Variants in RPF2 observed in about 807,000 individuals in gnomAD.
RPF2 encodes the protein ribosome production factor 2 homolog.
A neutral mutation model predicts 38.9 loss-of-function variants in RPF2; 21 were observed. That is an observed-to-expected ratio of 0.54 (90% CI 0.38 to 0.78). The LOEUF (loss-of-function observed/expected upper bound fraction) is 0.78. RPF2 is among the 30% of genes least tolerant of loss of function. The pLI is 0.00. For missense variants in RPF2, 314 were observed against 358.1 expected (o/e 0.88, Z 0.99); for synonymous variants, 121 against 126.2 (o/e 0.96, Z 0.28).
intron 7 of RPF2, among the ~76,000 whole-genome samples, chr6:111,010,272 C>T (rs1771989897): frequency 6.6e-6 from 1 of 151,874 alleles, no homozygotes; most frequent in African/African-American, 2.4e-5. Flanking sequence ...AGGTTCACAC[C>T]ACCATGCCCA....
chr6:111,002,788 G>A (rs1424682793), intron 6 of RPF2, among the ~76,000 whole-genome samples: 2 of 148,508 alleles, frequency 1.3e-5, no homozygotes, highest in African/African-American at 4.9e-5. Flanking sequence ...TTTTTTTTGA[G>A]AGGGAGTTTT....
rs370534050 is a variant in RPF2 at position 110,982,106 on chromosome 6, G to A, written c.-1G>A. 8 of 1,614,110 alleles carry A rather than the reference G, an allele frequency of 5.0e-6. No individual in the cohort carries two copies. The highest frequency in any genetic ancestry group is 6.8e-6 in the Non-Finnish European group (8 of 1,180,038). On this transcript the variant is annotated 5_prime_UTR_variant, in exon 1 of 10. Coordinates refer to ENST00000441448, the MANE Select transcript of RPF2 (RefSeq NM_032194.3). ...GTTAAGAGTTGCAGGTAGCGGTAGC[G>A]ATGGACACTCTGGATCGAGTAGTGT...
Position 111,025,644 on chromosome 6 carries a change from A to C in RPF2, c.*62A>C. 1.6e-6 allele frequency: 2 copies of C among 1,217,180 alleles called. No individual in the cohort carries two copies. The highest frequency in any genetic ancestry group is 1.2e-6 in the Non-Finnish European group (1 of 868,226). The allele number at this position is 1,217,180 out of a possible 1,614,324, so 75.4% of individuals were successfully genotyped here. A position where few individuals can be genotyped will look rare whatever the true frequency, so the allele number is the denominator to read the frequency against. On this transcript the variant is annotated 3_prime_UTR_variant, in exon 10 of 10. Transcript: ENST00000441448. ...TACTTAAGAGAATTATCAAGCGTCAATCCATTCAGAGTTTCTTATAAGATC... is the reference window on the plus strand; with the variant it reads ...TACTTAAGAGAATTATCAAGCGTCACTCCATTCAGAGTTTCTTATAAGATC...
chr6:110,988,738 TC>T (rs993907941), intron 2 of RPF2, among the ~76,000 whole-genome samples: 114 of 152,204 alleles, frequency 7.5e-4, no homozygotes, highest in African/African-American at 2.7e-3. Flanking sequence ...TGGAATTGTT[TC>T]CCTAGAGAGA....
chr6:111,025,268 A>G (rs903674669), intron 9 of RPF2, 135 bp from the exon 10 acceptor site: 1 of 561,250 alleles, frequency 1.8e-6, no homozygotes, highest in Non-Finnish European at 3.1e-6. Context: ...AGAAAAGTGT[A>G]TAGGGCTATA....
intron 6 of RPF2, among the ~76,000 whole-genome samples, chr6:111,004,796 T>A (rs1771880581): frequency 6.6e-6 from 1 of 151,634 alleles, no homozygotes; most frequent in Non-Finnish European, 1.5e-5. Context: ...CTCGGACTCC[T>A]CACCTCAAGT....
intron 4 of RPF2, among the ~76,000 whole-genome samples, chr6:110,994,361 G>T (rs994764235): frequency 4.6e-5 from 7 of 151,938 alleles, no homozygotes; most frequent in African/African-American, 1.7e-4. Flanking sequence ...GAAGTGGGAG[G>T]ATTGCGTGGG....
At chr6:111,010,000 CT>C (rs1583270653) in intron 7 of RPF2, among the ~76,000 whole-genome samples, 2 of 152,072 alleles carry the variant, frequency 1.3e-5, no homozygotes, top group South Asian at 2.1e-4. Flanking sequence ...GTTATTAGTA[CT>C]TAGCATTCTG....
chr6:110,983,959 A>G (rs1771477952), intron 1 of RPF2, among the ~76,000 whole-genome samples: 1 of 151,932 alleles, frequency 6.6e-6, no homozygotes, highest in South Asian at 2.1e-4. Flanking sequence ...AACCTGGGAG[A>G]CGGAGCTTGC....
At chr6:111,019,574 T>C (rs1267446112) in intron 8 of RPF2, among the ~76,000 whole-genome samples, 2 of 151,524 alleles carry the variant, frequency 1.3e-5, no homozygotes, top group East Asian at 3.9e-4. Flanking sequence ...CCGTCGCTAC[T>C]AAAAATACAA....
chr6:111,023,588 A>G (rs888946414), intron 8 of RPF2, among the ~76,000 whole-genome samples: 1 of 152,116 alleles, frequency 6.6e-6, no homozygotes, highest in Admixed American at 6.5e-5. Context: ...GTATAATTTT[A>G]TTTCTGATTT....
intron 7 of RPF2, among the ~76,000 whole-genome samples, chr6:111,013,695 A>C (rs1772057575): frequency 6.6e-6 from 1 of 152,240 alleles, no homozygotes; most frequent in African/African-American, 2.4e-5. Flanking sequence ...GTTTCCCAGA[A>C]GTACTCTGAC....
At chr6:110,982,294 A>G in intron 1 of RPF2, 165 bp downstream of exon 1, 2 of 736,304 alleles carry the variant, frequency 2.7e-6, no homozygotes, top group Non-Finnish European at 4.7e-6. Flanking sequence ...GCTGCTTGCC[A>G]GGAGACAGTG....
Position 110,987,208 on chromosome 6 carries a change from C to CACCA in RPF2, c.157-1819_157-1816dup, listed in dbSNP as rs571534329. ...TCTAGCCTCCCAAGTAGCTGGGAGC[C>CACCA]ACCACACCCAGCTAATTTCTGTGTT... is the stretch of plus-strand genomic sequence containing the variant. On this transcript the variant is annotated intron_variant, in intron 2 of 9. Coordinates refer to ENST00000441448, the MANE Select transcript of RPF2 (RefSeq NM_032194.3). 3.2e-4 allele frequency among the ~76,000 whole-genome samples: 49 copies of CACCA among 152,018 alleles called. 1 individual carries two copies. In the East Asian group the frequency reaches 9.1e-3, roughly 28 times the overall value.
intron 4 of RPF2, among the ~76,000 whole-genome samples, chr6:110,993,537 A>G (rs9481134): frequency 0.091 from 13,802 of 152,230 alleles, 700 homozygotes; most frequent in Middle Eastern, 0.13. Context: ...ATTCTCTTTC[A>G]TATAGTACTT....
At chr6:111,008,225 G>T in intron 7 of RPF2, 88 bp downstream of exon 7, 1 of 1,378,724 alleles carries the variant, frequency 7.3e-7, no homozygotes, top group Non-Finnish European at 9.5e-7. Context: ...CTTTAGGTTT[G>T]TAACTTCTTT....
chr6:111,016,959 G>T (rs1772126509), intron 8 of RPF2, among the ~76,000 whole-genome samples: 1 of 152,054 alleles, frequency 6.6e-6, no homozygotes, highest in Admixed American at 6.5e-5. Context: ...ATTTAACCCT[G>T]AGTGGACACA....
chr6:110,989,057 A>G lies in RPF2; in HGVS notation c.186A>G (p.Leu62=), dbSNP rs916111833. The G allele has an allele frequency of 4.5e-6, 7 of 1,564,688 alleles. No individual in the cohort carries two copies. Among genetic ancestry groups the G allele is most frequent in the Non-Finnish European group, 6.0e-6 (7 of 1,161,124 alleles). The change falls in exon 3 of 10, where the codon CTA becomes CTG. Residue 62 remains leucine (L), a synonymous_variant. Transcript: ENST00000441448. ...VYALKKPYGV[L]YKKKNITRPF... is the part of the protein sequence containing the mutation. ...CACTGAAAAAACCATACGGTGTACT[A>G]TATAAAAAGTAAGTCATGATTTCTT...
Position 111,025,538 on chromosome 6 carries a change from A to T in RPF2, c.877A>T (p.Thr293Ser). ...GLKKRPAERITEDHEKKSKRI... is the reference protein window; with the variant it reads ...GLKKRPAERISEDHEKKSKRI... The stretch of plus-strand genomic sequence containing the variant: ...GAAGAAGCGACCTGCAGAAAGGATA[A>T]CAGAAGACCACGAGAAAAAGTCAAA... The change falls in exon 10 of 10, where the codon ACA becomes TCA. Residue 293 changes from threonine to serine, a missense_variant. By Grantham distance (58) the Thr-to-Ser change is moderately conservative (BLOSUM62 1). Coordinates refer to ENST00000441448, the MANE Select transcript of RPF2 (RefSeq NM_032194.3). 7 of 1,610,732 alleles carry T rather than the reference A, an allele frequency of 4.3e-6. No individual in the cohort carries two copies. The highest frequency in any genetic ancestry group is 1.3e-5 in the African/African-American group (1 of 74,766).
Sources: allele counts gnomAD v4.1 joint callset (sites outside exome capture counted in the v4.1 genomes callset), GRCh38; gene constraint gnomAD v4.1.1; transcripts MANE v1.5; gene names NCBI Gene and HGNC (gene_info 2026-07-23, HGNC 2026-07-21).